Variants in ELP1 observed in about 807,000 individuals in gnomAD.
ELP1 encodes elongator acetyltransferase complex subunit 1.
A neutral mutation model predicts 183.2 loss-of-function variants in ELP1; 131 were observed. That is an observed-to-expected ratio of 0.72 (90% CI 0.62 to 0.83). ELP1 has a LOEUF of 0.83. ELP1 is among the 40% of genes least tolerant of loss of function. The pLI is 0.00. For missense variants in ELP1, 1,550 were observed against 1,594.9 expected, an observed-to-expected ratio of 0.97 and a Z score of 0.48; for synonymous variants, 555 against 569.0, an observed-to-expected ratio of 0.98 and a Z score of 0.35.
In ELP1 at chr9:108,922,692, G is replaced by A. The variant is rs1401175037; in HGVS notation, c.552+150C>T. The A allele has an allele frequency of 7.0e-6, 5 of 712,212 alleles. No homozygotes were observed. The African/African-American group carries it at 8.7e-5, about 12-fold the overall frequency. The allele number at this position is 712,212 out of a possible 1,614,324, so 44.1% of individuals were successfully genotyped here. On this transcript the variant is annotated intron_variant, in intron 6 of 36. Coordinates refer to ENST00000374647, the MANE Select transcript of ELP1 (RefSeq NM_003640.5). Reference sequence around the variant, plus strand: ...AGGAAAAAAAGGATCTTTCTAGAGGGATTCATTTCCTGAAGGTTCTAGGCA... The same window carrying A: ...AGGAAAAAAAGGATCTTTCTAGAGGAATTCATTTCCTGAAGGTTCTAGGCA...
intron 36 of ELP1, among the ~76,000 whole-genome samples, chr9:108,874,150 T>C (rs910450946): frequency 1.3e-5 from 2 of 152,254 alleles, no homozygotes; most frequent in Non-Finnish European, 2.9e-5. Context: ...GCTTGTCACA[T>C]GCTAGAAATG....
intron 34 of ELP1, among the ~76,000 whole-genome samples, 157 bp downstream of exon 34, chr9:108,878,466 C>G (rs1033932984): frequency 2.0e-5 from 3 of 152,184 alleles, no homozygotes; most frequent in Admixed American, 2.0e-4. Flanking sequence ...AGGGCTGCTT[C>G]AGGAATGTGT....
rs1829208314 is a variant in ELP1, at chr9:108,911,152, C to G, written c.1218G>C (p.Gln406His). ...GNRVLVTVFRQTVVPPPMCTY... is the reference protein window; with the variant it reads ...GNRVLVTVFRHTVVPPPMCTY... ...TGCACATGGGAGGCGGAACCACAGT[C>G]TGCCGGAAGACTGTCACCAACACCC... The change falls in exon 12 of 37, where the codon CAG becomes CAC. Residue 406 changes from glutamine to histidine, a missense_variant. Transcript: ENST00000374647. 26 of 1,614,036 alleles carry G rather than the reference C, an allele frequency of 1.6e-5. No individual in the cohort carries two copies. The highest frequency in any genetic ancestry group is 2.1e-5 in the Non-Finnish European group (25 of 1,180,048).
At chr9:108,933,628 G>A (rs1830073705) in intron 1 of ELP1, among the ~76,000 whole-genome samples, 1 of 152,260 alleles carries the variant, frequency 6.6e-6, no homozygotes, top group Non-Finnish European at 1.5e-5. Flanking sequence ...CAAGAGGCTG[G>A]GTTAAGTCCG....
At chr9:108,918,779 A>G (rs759992283) in intron 8 of ELP1, 32 bp downstream of exon 8, 4 of 1,519,192 alleles carry the variant, frequency 2.6e-6, no homozygotes, top group South Asian at 2.2e-5. Flanking sequence ...TCTGGTTCCA[A>G]GAATTTCTCT....
chr9:108,884,451 T>A (rs930182770), intron 29 of ELP1, among the ~76,000 whole-genome samples: 25 of 152,268 alleles, frequency 1.6e-4, no homozygotes, highest in African/African-American at 6.0e-4. Flanking sequence ...GCTTTCATAT[T>A]ATTTTCAAAT....
rs969586518 is a variant in ELP1 at position 108,867,735 on chromosome 9, TTC to T, written c.*1378_*1379del. ...AGATTTCTCCAAAGCAAAGTATATC[TTC>T]TTTCTCTTCTTTTTAAAAACTCCTA... On this transcript the variant is annotated 3_prime_UTR_variant, in exon 37 of 37. Transcript: ENST00000374647. 1 of 152,358 alleles carries T rather than the reference TTC, an allele frequency of 6.6e-6. No individual in the cohort carries two copies. Among genetic ancestry groups the T allele is most frequent in the East Asian group, 1.9e-4 (1 of 5,192 alleles). The allele number at this position is 152,358 out of a possible 1,614,324, so 9.4% of individuals were successfully genotyped here.
In ELP1 at chr9:108,918,870, C is replaced by T. The variant is rs1462652310; in HGVS notation, c.681G>A (p.Glu227=). The T allele has an allele frequency of 6.2e-7, 1 of 1,614,054 alleles. No individual in the cohort carries two copies. Among genetic ancestry groups the T allele is most frequent in the Non-Finnish European group, 8.5e-7 (1 of 1,180,038 alleles). The part of the protein sequence containing the change: ...GARKVRVWNR[E]FALQSTSEPV... ...GCTCACTGGTTGACTGCAAAGCAAA[C>T]TCTCGGTTCCACACTCTGACCTTCC... Residue 227 remains glutamate (E), a synonymous_variant, in exon 8 of 37, where the codon GAG becomes GAA. Coordinates refer to ENST00000374647, the MANE Select transcript of ELP1 (RefSeq NM_003640.5).
rs770375774 is a variant in ELP1, at chr9:108,893,383, G to A, written c.2861-300C>T. Reference sequence around the variant, plus strand: ...TGGGAAGCTTATTAGACACATGCACGCCTCAGTCCTATCCCAGACCACCTG... The same window carrying A: ...TGGGAAGCTTATTAGACACATGCACACCTCAGTCCTATCCCAGACCACCTG... On this transcript the variant is annotated intron_variant, in intron 26 of 36. Transcript: ENST00000374647. Among the ~76,000 whole-genome samples, 9 of 152,224 alleles carry A rather than the reference G, an allele frequency of 5.9e-5. No individual in the cohort carries two copies. In the South Asian group the frequency reaches 6.2e-4, roughly 11 times the overall value.
chr9:108,892,311 GAACT>G (rs1362063210), intron 27 of ELP1, among the ~76,000 whole-genome samples: 8 of 152,334 alleles, frequency 5.3e-5, no homozygotes, highest in African/African-American at 1.9e-4. Context: ...GACATCTGTA[GAACT>G]ACCTACAAGT....
At chr9:108,897,424 A>T in intron 22 of ELP1, 139 bp from the exon 23 acceptor site, 2 of 900,058 alleles carry the variant, frequency 2.2e-6, no homozygotes, top group Non-Finnish European at 3.5e-6. Flanking sequence ...AATATTGAGA[A>T]ATAAAACATG....
intron 10 of ELP1, among the ~76,000 whole-genome samples, chr9:108,915,881 T>C (rs139494888): frequency 6.4e-4 from 97 of 152,254 alleles, no homozygotes; most frequent in African/African-American, 2.2e-3. Context: ...TGACTTTTCA[T>C]ATCTGAGTGT....
chr9:108,878,043 T>C lies in ELP1; in HGVS notation c.3807A>G (p.Ser1269=), dbSNP rs2118934095. The C allele has an allele frequency of 6.2e-7, 1 of 1,614,206 alleles. No individual in the cohort carries two copies. Among genetic ancestry groups the C allele is most frequent in the Non-Finnish European group, 8.5e-7 (1 of 1,180,020 alleles). The change falls in exon 35 of 37, where the codon TCA becomes TCG. Residue 1269 remains serine (S), a synonymous_variant. Transcript: ENST00000374647. The stretch of plus-strand genomic sequence containing the variant: ...AAGTAAGAGTCCAAATTTCTGGAAG[T>C]GACCTTTCCATCAACTGCAGCGTAT... ...FEDTLQLMER[S]LPEIWTLTYQ...
intron 2 of ELP1, 23 bp from the exon 3 acceptor site, chr9:108,929,944 C>G: frequency 6.2e-7 from 1 of 1,611,654 alleles, no homozygotes; most frequent in South Asian, 1.1e-5. Context: ...TAAACACAAG[C>G]AAATTAACCC....
chr9:108,909,101 G>C (rs1190162723), intron 12 of ELP1, among the ~76,000 whole-genome samples: 1 of 152,012 alleles, frequency 6.6e-6, no homozygotes, highest in African/African-American at 2.4e-5. Context: ...ATTCTCACCA[G>C]GTCTCTGCTT....
At chr9:108,877,670 C>T (rs1827753311) in intron 35 of ELP1, among the ~76,000 whole-genome samples, 1 of 152,084 alleles carries the variant, frequency 6.6e-6, no homozygotes, top group African/African-American at 2.4e-5. Context: ...AGTGAGAGGC[C>T]GTCTCTGACC....
At chr9:108,932,140 G>C (rs1830020784) in intron 1 of ELP1, among the ~76,000 whole-genome samples, 1 of 152,142 alleles carries the variant, frequency 6.6e-6, no homozygotes, top group African/African-American at 2.4e-5. Context: ...GTATGACATA[G>C]AAAGAATAAA....
intron 4 of ELP1, 92 bp downstream of exon 4, chr9:108,927,280 T>C (rs1320318404): frequency 1.5e-5 from 15 of 1,008,866 alleles, no homozygotes; most frequent in African/African-American, 7.9e-5. Context: ...AAGAAATTTT[T>C]TGAAATTCAA....
In ELP1 at chr9:108,911,172, A is replaced by C. The variant is rs1413715892; in HGVS notation, c.1198T>G (p.Leu400Val). The C allele has an allele frequency of 6.2e-7, 1 of 1,614,160 alleles. No homozygotes were observed. Among genetic ancestry groups the C allele is most frequent in the South Asian group, 1.1e-5 (1 of 91,076 alleles). Reference protein sequence around the residue: ...NVAVIDGNRVLVTVFRQTVVP... With the variant: ...NVAVIDGNRVVVTVFRQTVVP... ...ACAGTCTGCCGGAAGACTGTCACCA[A>C]CACCCTGTCTGCAGTGAAAAAGAAA... Residue 400 changes from leucine to valine, a missense_variant, in exon 12 of 37, where the codon TTG becomes GTG. Coordinates refer to ENST00000374647, the MANE Select transcript of ELP1 (RefSeq NM_003640.5).
Sources: gnomAD v4.1 joint callset for allele counts (sites outside exome capture counted in the v4.1 genomes callset) on GRCh38, gnomAD v4.1.1 for gene constraint, MANE v1.5 for transcripts, NCBI Gene and HGNC (gene_info 2026-07-23, HGNC 2026-07-21) for gene names.